NELL1: variants seen among roughly 807,000 people sequenced by gnomAD.
NELL1 encodes protein kinase C-binding protein NELL1.
Under a neutral mutation model 107.4 loss-of-function variants are expected in NELL1, and 76 were observed. The ratio of observed to expected loss-of-function variants is 0.71; its 90% CI spans 0.59 to 0.86. The LOEUF is 0.86. Among genes scored for constraint, NELL1 ranks in the 40% least tolerant of loss-of-function variants. The pLI is 0.00. For synonymous variants in NELL1, 353 were observed against 341.2 expected (o/e 1.03, Z -0.38); for missense variants, 1,024 against 1,005.5 (o/e 1.02, Z -0.25).
intron 2 of NELL1, among the ~76,000 whole-genome samples, chr11:20,753,186 C>A (rs1035120409): frequency 6.6e-6 from 1 of 152,228 alleles, no homozygotes; most frequent in Non-Finnish European, 1.5e-5. Context: ...GGTCATCCAA[C>A]TTCTATGCTA....
In NELL1 at chr11:20,783,703, G is replaced by T; in HGVS notation, c.208G>T (p.Ala70Ser). The T allele has an allele frequency of 6.2e-7, 1 of 1,613,594 alleles. No individual in the cohort carries two copies. Among genetic ancestry groups the T allele is most frequent in the African/African-American group, 1.3e-5 (1 of 74,986 alleles). The change falls in exon 3 of 20, where the codon GCT becomes TCT. Residue 70 changes from alanine (A) to serine (S), a missense_variant. Physicochemically the swap from Ala to Ser is moderately conservative, Grantham distance 99. Coordinates refer to ENST00000357134, the MANE Select transcript of NELL1 (RefSeq NM_006157.5). ...AGACATAGAAAGAGAGATCCATGCA[G>T]CTCCTCATGTGAGTGAGAAATTAAT... ...FQDIEREIHAAPHVSEKLIQL... is the reference protein window; with the variant it reads ...FQDIEREIHASPHVSEKLIQL...
chr11:21,087,505 A>G (rs1438376810), intron 12 of NELL1, among the ~76,000 whole-genome samples: 3 of 152,174 alleles, frequency 2.0e-5, no homozygotes, highest in Non-Finnish European at 4.4e-5. Context: ...ATATTATTAT[A>G]TGTGAATGAG....
At chr11:20,974,488 T>C (rs181309394) in intron 12 of NELL1, among the ~76,000 whole-genome samples, 65 of 152,122 alleles carry the variant, frequency 4.3e-4, no homozygotes, top group African/African-American at 1.3e-3. Context: ...TTTTTTTTTT[T>C]CCCCAGGATA....
chr11:20,807,534 A>C (rs981073502), intron 3 of NELL1, among the ~76,000 whole-genome samples: 10 of 152,294 alleles, frequency 6.6e-5, no homozygotes, highest in Admixed American at 3.3e-4. Flanking sequence ...AAGGCCTACT[A>C]TAACCGCTAC....
intron 14 of NELL1, among the ~76,000 whole-genome samples, chr11:21,321,417 A>T (rs1274986454): frequency 1.3e-5 from 2 of 151,834 alleles, no homozygotes; most frequent in African/African-American, 4.8e-5. Flanking sequence ...GGCTGCGCGG[A>T]GTGGTGGGCA....
At position 21,068,721 on chromosome 11, in the gene NELL1, G is replaced by T. The variant is rs1052959775; in HGVS notation, c.1301-44868G>T. Among the ~76,000 whole-genome samples, 25 of 152,296 alleles carry T rather than the reference G, an allele frequency of 1.6e-4. 1 individual carries two copies. The highest frequency in any genetic ancestry group is 1.6e-3 in the Admixed American group (24 of 15,292). ...GTTTGCTATTGACGATTAGATTCAG[G>T]ATCCCAAGTGCCTCCAATAGCTGTG... On this transcript the variant is annotated intron_variant, in intron 12 of 19. Coordinates refer to ENST00000357134, the MANE Select transcript of NELL1 (RefSeq NM_006157.5).
intron 2 of NELL1, among the ~76,000 whole-genome samples, chr11:20,694,689 G>C (rs1854567963): frequency 6.6e-6 from 1 of 151,988 alleles, no homozygotes; most frequent in Non-Finnish European, 1.5e-5. Context: ...AGTATAGTTT[G>C]GTAATAGAAA....
intron 14 of NELL1, among the ~76,000 whole-genome samples, chr11:21,333,331 G>A (rs943541343): frequency 1.3e-5 from 2 of 151,948 alleles, no homozygotes; most frequent in African/African-American, 2.4e-5. Context: ...TCTAGGTTAC[G>A]GTTAAGGTGA....
chr11:20,873,327 C>G (rs540804159), intron 4 of NELL1, among the ~76,000 whole-genome samples: 1 of 152,044 alleles, frequency 6.6e-6, no homozygotes, highest in Non-Finnish European at 1.5e-5. Flanking sequence ...TTAAGCACCT[C>G]TTTTATAGAA....
At chr11:21,129,003 G>T (rs889162766) in intron 13 of NELL1, among the ~76,000 whole-genome samples, 2 of 152,118 alleles carry the variant, frequency 1.3e-5, no homozygotes, top group African/African-American at 4.8e-5. Context: ...AAACCAGCTG[G>T]AGTTCTGAAT....
In NELL1 at chr11:21,560,389, C is replaced by G. The variant is rs767976458; in HGVS notation, c.1980+7C>G. 1.3e-6 allele frequency: 2 copies of G among 1,556,716 alleles called. No homozygotes were observed. Among genetic ancestry groups the G allele is most frequent in the East Asian group, 4.5e-5 (2 of 44,106 alleles). On this transcript the variant is annotated splice_region_variant and intron_variant, in intron 17 of 19. Coordinates refer to ENST00000357134, the MANE Select transcript of NELL1 (RefSeq NM_006157.5). Reference sequence around the variant, plus strand: ...TTCTGTCTGCTCCTGCAAGGTGAGGCTGATGTGGTGCAGCAGAAATTGAAA... The same window carrying G: ...TTCTGTCTGCTCCTGCAAGGTGAGGGTGATGTGGTGCAGCAGAAATTGAAA...
chr11:21,387,240 C>T (rs1195259231), intron 15 of NELL1, among the ~76,000 whole-genome samples: 1 of 151,834 alleles, frequency 6.6e-6, no homozygotes, highest in Admixed American at 6.6e-5. Flanking sequence ...AATTGCAATA[C>T]TGAATCTTCT....
At chr11:20,875,250 AC>A (rs1324967564) in intron 4 of NELL1, among the ~76,000 whole-genome samples, 1 of 152,056 alleles carries the variant, frequency 6.6e-6, no homozygotes, top group Non-Finnish European at 1.5e-5. Flanking sequence ...CAGCATATTT[AC>A]CCTAACTTTG....
rs141002197 is a variant in NELL1 at position 21,291,983 on chromosome 11, A to G, written c.1549+62529A>G. 6.7e-3 allele frequency among the ~76,000 whole-genome samples: 1,017 copies of G among 152,346 alleles called. 13 individuals are homozygous for G. Among genetic ancestry groups the G allele is most frequent in the African/African-American group, 0.023 (967 of 41,588 alleles). On this transcript the variant is annotated intron_variant, in intron 14 of 19. Transcript: ENST00000357134. Reference sequence around the variant, plus strand: ...ACAGCCAATATCATACCGAATGGGTAAAAGCCGGAAGCATTCCCTTTGAAA... The same window carrying G: ...ACAGCCAATATCATACCGAATGGGTGAAAGCCGGAAGCATTCCCTTTGAAA...
At chr11:20,716,581 T>G (rs540221224) in intron 2 of NELL1, among the ~76,000 whole-genome samples, 5 of 152,212 alleles carry the variant, frequency 3.3e-5, no homozygotes, top group Non-Finnish European at 7.3e-5. Flanking sequence ...GTGTGCATGC[T>G]TACATATTAC....
intron 13 of NELL1, among the ~76,000 whole-genome samples, chr11:21,140,443 A>T (rs936808758): frequency 1.3e-5 from 2 of 152,184 alleles, no homozygotes; most frequent in Non-Finnish European, 2.9e-5. Context: ...TGTTAGATGC[A>T]CTGGAGTTTA....
At chr11:21,060,186 C>T (rs2134361232) in intron 12 of NELL1, among the ~76,000 whole-genome samples, 1 of 152,266 alleles carries the variant, frequency 6.6e-6, no homozygotes, top group East Asian at 1.9e-4. Flanking sequence ...AGCTATGGCT[C>T]TGAACTCCCA....
intron 2 of NELL1, among the ~76,000 whole-genome samples, chr11:20,765,829 A>C (rs1371703926): frequency 6.6e-6 from 1 of 152,236 alleles, no homozygotes; most frequent in Non-Finnish European, 1.5e-5. Flanking sequence ...AGATAAAAAA[A>C]CACACAACAT....
intron 15 of NELL1, among the ~76,000 whole-genome samples, chr11:21,440,149 C>T (rs1853241870): frequency 6.6e-6 from 1 of 151,580 alleles, no homozygotes; most frequent in African/African-American, 2.4e-5. Context: ...TCTTAGGCAA[C>T]TGAAAAAAAG....
Sources: allele counts gnomAD v4.1 joint callset (sites outside exome capture counted in the v4.1 genomes callset), GRCh38; gene constraint gnomAD v4.1.1; transcripts MANE v1.5; gene names NCBI Gene and HGNC (gene_info 2026-07-23, HGNC 2026-07-21).